The following NUTM2G variants were observed in gnomAD, a reference collection of about 807,000 sequenced individuals.
NUTM2G encodes the protein family with sequence similarity 22, member G.
In NUTM2G, 29 loss-of-function variants were observed where a neutral mutation model predicts 44.3. That is an observed-to-expected ratio of 0.66 (90% CI 0.49 to 0.89). The LOEUF (loss-of-function observed/expected upper bound fraction) is 0.89, where lower values mean the gene tolerates loss of function less well. Ranked by LOEUF, NUTM2G falls within the 40% of genes least tolerant of loss-of-function variation. The pLI, the probability that NUTM2G is intolerant of heterozygous loss-of-function variation, is 0.00. For synonymous variants in NUTM2G, 205 were observed against 395.9 expected (o/e 0.52, Z 5.72); for missense variants, 502 against 946.5 (o/e 0.53, Z 6.16).
Position 96,936,447 on chromosome 9 carries a change from G to A in NUTM2G, c.865G>A (p.Glu289Lys), listed in dbSNP as rs530272912. 62 of 1,577,284 alleles carry A rather than the reference G, an allele frequency of 3.9e-5. No individual in the cohort carries two copies. The Admixed American group carries it at 5.6e-4, about 14-fold the overall frequency. Reference protein sequence around the residue: ...AAKFLEFEAEEEMQIQKSQWM... With the variant: ...AAKFLEFEAEKEMQIQKSQWM... ...CAGGTTCCTGGAGTTTGAGGCTGAG[G>A]AGGAGATGCAGATTCAGAAATCGCA... Residue 289 changes from glutamate to lysine, a missense_variant, in exon 4 of 7, where the codon GAG becomes AAG. By Grantham distance (56) the Glu-to-Lys change is moderately conservative. Transcript: ENST00000372322.
At chr9:96,937,614 G>C (rs1198617145) in intron 5 of NUTM2G, among the ~76,000 whole-genome samples, 1 of 152,070 alleles carries the variant, frequency 6.6e-6, no homozygotes. Context: ...TGTGGGTGTG[G>C]GTGTGAGTCT....
Position 96,931,985 on chromosome 9 carries a change from C to A in NUTM2G, c.280C>A (p.Pro94Thr). Residue 94 changes from proline to threonine, a missense_variant, in exon 2 of 7, where the codon CCC (proline) becomes ACC (threonine). Transcript: ENST00000372322. ...QMRTEVGPVK[P>T]PQAQTLILTQ... Reference sequence around the variant, plus strand: ...GAGGACAGAAGTGGGGCCTGTGAAGCCCCCTCAGGCACAGACCTTGATCCT... The same window carrying A: ...GAGGACAGAAGTGGGGCCTGTGAAGACCCCTCAGGCACAGACCTTGATCCT... 1.9e-6 allele frequency: 3 copies of A among 1,611,190 alleles called. No homozygotes were observed. Among genetic ancestry groups the A allele is most frequent in the Non-Finnish European group, 2.5e-6 (3 of 1,179,650 alleles).
chr9:96,941,129 C>T (rs2119050171), downstream of NUTM2G, among the ~76,000 whole-genome samples: 1 of 149,706 alleles, frequency 6.7e-6, no homozygotes, highest in South Asian at 2.1e-4. Context: ...TGTGTGGGTG[C>T]TCAGCCAACT....
chr9:96,931,412 C>T lies in NUTM2G; in HGVS notation c.17-310C>T, dbSNP rs114959914. 9.8e-3 allele frequency among the ~76,000 whole-genome samples: 1,495 copies of T among 152,136 alleles called. 19 individuals are homozygous for T. The highest frequency in any genetic ancestry group is 0.035 in the African/African-American group (1,439 of 41,498). ...CGAGAGACTCATCCCTGACCCACGGCTTGGGAGATGCCTGTGAGGCTGGTG... is the reference window on the plus strand; with the variant it reads ...CGAGAGACTCATCCCTGACCCACGGTTTGGGAGATGCCTGTGAGGCTGGTG... On this transcript the variant is annotated intron_variant, in intron 1 of 6. Transcript: ENST00000372322.
intron 1 of NUTM2G, among the ~76,000 whole-genome samples, 168 bp downstream of exon 1, chr9:96,929,208 G>A (rs1826166793): frequency 6.6e-6 from 1 of 152,188 alleles, no homozygotes; most frequent in Non-Finnish European, 1.5e-5. Flanking sequence ...TGAGTCTGTG[G>A]TTAGGGAGGA....
chr9:96,933,176 C>T (rs1031205871), intron 2 of NUTM2G, among the ~76,000 whole-genome samples: 3 of 148,754 alleles, frequency 2.0e-5, no homozygotes, highest in African/African-American at 7.4e-5. Flanking sequence ...GACGGGGTTT[C>T]ACCATGTTAG....
chr9:96,931,045 T>C (rs1269458033), intron 1 of NUTM2G, among the ~76,000 whole-genome samples: 1 of 151,708 alleles, frequency 6.6e-6, no homozygotes, highest in Admixed American at 6.6e-5. Flanking sequence ...CAGGCACGCA[T>C]CATCAGCTAA....
chr9:96,932,569 T>C (rs1826298258), intron 2 of NUTM2G, 151 bp downstream of exon 2: 12 of 1,267,896 alleles, frequency 9.5e-6, no homozygotes, highest in Non-Finnish European at 1.3e-5. Flanking sequence ...TCAGCAACAT[T>C]AATCTGGCTG....
chr9:96,932,978 C>CTTTTTTTTTTTTTTTTTTT (rs573653882), intron 2 of NUTM2G, among the ~76,000 whole-genome samples: 1 of 129,430 alleles, frequency 7.7e-6, no homozygotes, highest in Non-Finnish European at 1.6e-5. Context: ...CTTTTCTTTT[C>CTTTTTTTTTTTTTTTTTTT]TTTTTTTTTT....
chr9:96,933,030 A>G (rs1473545430), intron 2 of NUTM2G, among the ~76,000 whole-genome samples: 1 of 137,104 alleles, frequency 7.3e-6, no homozygotes, highest in Non-Finnish European at 1.5e-5. Context: ...CAGGGTGGAG[A>G]GCAGTGGCGT....
At chr9:96,931,213 T>C (rs993189028) in intron 1 of NUTM2G, among the ~76,000 whole-genome samples, 1 of 151,690 alleles carries the variant, frequency 6.6e-6, no homozygotes, top group African/African-American at 2.4e-5. Flanking sequence ...TTTTGTTGTG[T>C]TGAGCTAGGA....
At position 96,931,780 on chromosome 9, in the gene NUTM2G, C is replaced by G. The variant is rs377203123; in HGVS notation, c.75C>G (p.Phe25Leu). Residue 25 changes from phenylalanine (F) to leucine (L), a missense_variant, in exon 2 of 7, where the codon TTC becomes TTG. Transcript: ENST00000372322. ...ACCCTGGCACCTCCCTGTCTGTGTTCACGGCTCTGCCCTTTGCCACACCCT... is the reference window on the plus strand; with the variant it reads ...ACCCTGGCACCTCCCTGTCTGTGTTGACGGCTCTGCCCTTTGCCACACCCT... ...TVNPGTSLSVFTALPFATPSP... is the reference protein window; with the variant it reads ...TVNPGTSLSVLTALPFATPSP... 8.1e-6 allele frequency: 13 copies of G among 1,611,670 alleles called. No homozygotes were observed. The highest frequency in any genetic ancestry group is 5.4e-5 in the African/African-American group (4 of 74,570).
intron 6 of NUTM2G, 38 bp downstream of exon 6, chr9:96,938,039 G>C (rs1588206442): frequency 1.2e-6 from 2 of 1,611,506 alleles, no homozygotes; most frequent in South Asian, 2.2e-5. Context: ...GGTACTCCAG[G>C]GGCAGGAGGG....
intron 2 of NUTM2G, among the ~76,000 whole-genome samples, chr9:96,932,978 C>CTTTT (rs573653882): frequency 3.1e-5 from 4 of 129,444 alleles, no homozygotes; most frequent in South Asian, 2.7e-4. Context: ...CTTTTCTTTT[C>CTTTT]TTTTTTTTTT....
At chr9:96,932,840 G>A (rs1826309651) in intron 2 of NUTM2G, among the ~76,000 whole-genome samples, 1 of 151,450 alleles carries the variant, frequency 6.6e-6, no homozygotes, top group Admixed American at 6.6e-5. Context: ...GTAGAGATGG[G>A]GTTTCTCCAT....
intron 2 of NUTM2G, chr9:96,933,916 C>T (rs1826351103): frequency 6.6e-6 from 1 of 152,164 alleles, no homozygotes; most frequent in African/African-American, 2.4e-5. Context: ...TCAATCCCCC[C>T]TAGAAAAAAG....
intron 2 of NUTM2G, among the ~76,000 whole-genome samples, chr9:96,933,127 G>A (rs1293282198): frequency 8.2e-4 from 123 of 150,820 alleles, no homozygotes; most frequent in South Asian, 6.5e-3. Flanking sequence ...ACAGGTGCCC[G>A]CCACCATGCC....
At chr9:96,930,376 T>C (rs1340248401) in intron 1 of NUTM2G, among the ~76,000 whole-genome samples, 2 of 152,008 alleles carry the variant, frequency 1.3e-5, no homozygotes, top group East Asian at 3.9e-4. Flanking sequence ...ATACAAAAAT[T>C]GGCTGGGCAT....
rs1387870106 is a variant in NUTM2G at position 96,931,861 on chromosome 9, C to G, written c.156C>G (p.Gly52=). 1 of 1,612,330 alleles carries G rather than the reference C, an allele frequency of 6.2e-7. No individual in the cohort carries two copies. The highest frequency in any genetic ancestry group is 1.7e-5 in the Admixed American group (1 of 59,998). ...PLVTAVVPPA[G]PLVLSAFPST... Reference sequence around the variant, plus strand: ...TGACTGCAGTGGTTCCTCCAGCCGGCCCTCTGGTGCTCTCTGCCTTCCCCA... The same window carrying G: ...TGACTGCAGTGGTTCCTCCAGCCGGGCCTCTGGTGCTCTCTGCCTTCCCCA... The change falls in exon 2 of 7, where the codon GGC becomes GGG. Residue 52 remains glycine (G), a synonymous_variant. Coordinates refer to ENST00000372322, the MANE Select transcript of NUTM2G (RefSeq NM_001170741.3).
Sources: allele counts gnomAD v4.1 joint callset (sites outside exome capture counted in the v4.1 genomes callset), GRCh38; gene constraint gnomAD v4.1.1; transcripts MANE v1.5; gene names NCBI Gene and HGNC (gene_info 2026-07-23, HGNC 2026-07-21).